Variants in DPP6 observed in about 807,000 individuals in gnomAD.
DPP6 encodes A-type potassium channel modulatory protein DPP6.
DPP6 carries 69 observed loss-of-function variants against 122.6 expected under a neutral mutation model. The observed-to-expected ratio is 0.56, with a 90% CI of 0.46 to 0.69. The LOEUF is 0.69. DPP6 is among the 30% of genes least tolerant of loss of function. DPP6 has a pLI of 0.00. For missense variants in DPP6, 928 were observed against 1,116.9 expected (o/e 0.83, Z 2.41); for synonymous variants, 418 against 433.1 (o/e 0.97, Z 0.43).
intron 7 of DPP6, among the ~76,000 whole-genome samples, chr7:154,685,284 C>T (rs146295891): frequency 2.6e-5 from 4 of 152,202 alleles, no homozygotes; most frequent in East Asian, 3.9e-4. Flanking sequence ...TACTAGCCAA[C>T]GGTTCAACAG....
At chr7:154,337,508 A>G (rs182990241) in intron 1 of DPP6, among the ~76,000 whole-genome samples, 235 of 152,344 alleles carry the variant, frequency 1.5e-3, no homozygotes, top group Non-Finnish European at 2.7e-3. Context: ...CACAGTAGAT[A>G]CATCCCTACC....
intron 1 of DPP6, among the ~76,000 whole-genome samples, chr7:154,296,494 C>T (rs955044791): frequency 8.5e-5 from 13 of 152,206 alleles, no homozygotes; most frequent in Non-Finnish European, 1.9e-4. Flanking sequence ...AAGCCATTGG[C>T]TTCCCAGGCA....
At chr7:153,968,480 T>TA (rs1338480327) in intron 1 of DPP6, among the ~76,000 whole-genome samples, 1 of 152,076 alleles carries the variant, frequency 6.6e-6, no homozygotes, top group Non-Finnish European at 1.5e-5. Flanking sequence ...TGGACATTTT[T>TA]AAAGCTACAA....
Position 154,593,764 on chromosome 7 carries a change from C to T in DPP6, c.627+26848C>T, listed in dbSNP as rs1452663005. On this transcript the variant is annotated intron_variant, in intron 5 of 25. Coordinates refer to ENST00000377770, the MANE Select transcript of DPP6 (RefSeq NM_130797.4). Reference sequence around the variant, plus strand: ...CACGCATGGCTCTGTTCTAGGCACTCGGGGGAGCTCAAACAGAAAGAGAGT... The same window carrying T: ...CACGCATGGCTCTGTTCTAGGCACTTGGGGGAGCTCAAACAGAAAGAGAGT... Among the ~76,000 whole-genome samples, 54 of 152,136 alleles carry T rather than the reference C, an allele frequency of 3.5e-4. 1 individual carries two copies. Among genetic ancestry groups the T allele is most frequent in the Admixed American group, 3.3e-3 (51 of 15,268 alleles).
At chr7:154,258,537 T>C (rs73727921) in intron 1 of DPP6, among the ~76,000 whole-genome samples, 13,695 of 152,158 alleles carry the variant, frequency 0.09, 1,034 homozygotes, top group African/African-American at 0.21. Context: ...GTTGGTGTTT[T>C]ATCATGCTCC....
rs556777431 is a variant in DPP6 at position 154,274,393 on chromosome 7, T to C, written c.244-171821T>C. ...AACCCCCAGTTTTCCTGCAATAGAA[T>C]ATGTGAGCCATTTCACACTGGAGTT... On this transcript the variant is annotated intron_variant, in intron 1 of 25. Transcript: ENST00000377770. 8.5e-5 allele frequency among the ~76,000 whole-genome samples: 13 copies of C among 152,270 alleles called. No homozygotes were observed. In the South Asian group the frequency reaches 1.0e-3, roughly 12 times the overall value.
intron 1 of DPP6, among the ~76,000 whole-genome samples, chr7:154,394,227 T>A (rs1814877663): frequency 6.6e-6 from 1 of 152,210 alleles, no homozygotes; most frequent in African/African-American, 2.4e-5. Context: ...GGGTTCAGTT[T>A]CTCCACATCC....
At chr7:154,791,182 G>A (rs1797654490) in intron 10 of DPP6, among the ~76,000 whole-genome samples, 1 of 152,086 alleles carries the variant, frequency 6.6e-6, no homozygotes, top group Non-Finnish European at 1.5e-5. Context: ...AACCTGGGAG[G>A]TACAGGTTGC....
intron 16 of DPP6, among the ~76,000 whole-genome samples, chr7:154,846,289 A>T (rs1011592516): frequency 6.6e-6 from 1 of 152,124 alleles, no homozygotes; most frequent in East Asian, 1.9e-4. Context: ...ATACATTTAT[A>T]TTCTTTTCTC....
chr7:154,473,180 C>T (rs1822438618), intron 2 of DPP6, among the ~76,000 whole-genome samples: 1 of 152,178 alleles, frequency 6.6e-6, no homozygotes, highest in Non-Finnish European at 1.5e-5. Context: ...TTCTTAATTG[C>T]AAGATCAGAG....
At chr7:154,120,815 A>G (rs916732794) in intron 1 of DPP6, among the ~76,000 whole-genome samples, 6 of 152,238 alleles carry the variant, frequency 3.9e-5, no homozygotes, top group Non-Finnish European at 7.3e-5. Flanking sequence ...GTCTAGTCCA[A>G]TGAAAGGGTT....
At chr7:153,953,149 T>TA (rs1044452381) in intron 1 of DPP6, among the ~76,000 whole-genome samples, 11 of 152,162 alleles carry the variant, frequency 7.2e-5, no homozygotes, top group Non-Finnish European at 1.3e-4. Flanking sequence ...CATTATCTTT[T>TA]AAAAAAATTC....
chr7:153,821,778 G>C, the DPP6 span, among the ~76,000 whole-genome samples: 1 of 147,702 alleles, frequency 6.8e-6, no homozygotes, highest in East Asian at 2.0e-4. Flanking sequence ...CCACGACCCT[G>C]GTGCTGCCTG....
At chr7:154,195,860 G>T (rs1798840330) in intron 1 of DPP6, among the ~76,000 whole-genome samples, 1 of 152,132 alleles carries the variant, frequency 6.6e-6, no homozygotes, top group African/African-American at 2.4e-5. Context: ...CCATCTTCCA[G>T]CAGGACCCTG....
intron 1 of DPP6, among the ~76,000 whole-genome samples, chr7:154,422,778 G>T (rs539638668): frequency 6.6e-6 from 1 of 152,134 alleles, no homozygotes; most frequent in Admixed American, 6.5e-5. Flanking sequence ...GCTAAGTTAG[G>T]ATTGCTACCT....
intron 6 of DPP6, among the ~76,000 whole-genome samples, chr7:154,653,974 GGAAA>G (rs1482224717): frequency 8.1e-5 from 12 of 148,934 alleles, no homozygotes; most frequent in South Asian, 2.1e-4. Flanking sequence ...TCAAATACCT[GGAAA>G]AAAAAAAAAA....
At chr7:154,140,481 T>C (rs1795790829) in intron 1 of DPP6, among the ~76,000 whole-genome samples, 1 of 151,566 alleles carries the variant, frequency 6.6e-6, no homozygotes, top group Non-Finnish European at 1.5e-5. Context: ...TGTTTGTTTA[T>C]TTACTTTTTT....
chr7:154,552,833 G>A (rs914249254), intron 4 of DPP6, among the ~76,000 whole-genome samples: 12 of 152,060 alleles, frequency 7.9e-5, no homozygotes, highest in African/African-American at 2.9e-4. Flanking sequence ...CATTGGCTAC[G>A]GATTGCAACA....
Position 154,474,944 on chromosome 7 carries a change from G to A in DPP6, c.364G>A (p.Asp122Asn), listed in dbSNP as rs761673050. 1 of 1,612,640 alleles carries A rather than the reference G, an allele frequency of 6.2e-7. No individual in the cohort carries two copies. Among genetic ancestry groups the A allele is most frequent in the Admixed American group, 1.7e-5 (1 of 59,982 alleles). The part of the protein sequence containing the change: ...TSVILLTPAE[D>N]NSLSQKKKVT... ...TGCTTTTTATTTTTTTCTAGCGGAA[G>A]ATAATAGTCTGTCTCAAAAGAAGAA... The change falls in exon 3 of 26, where the codon GAT becomes AAT. Residue 122 changes from aspartate (D) to asparagine (N), a missense_variant. Transcript: ENST00000377770.
Sources: allele counts gnomAD v4.1 joint callset (sites outside exome capture counted in the v4.1 genomes callset), GRCh38; gene constraint gnomAD v4.1.1; transcripts MANE v1.5; gene names NCBI Gene and HGNC (gene_info 2026-07-23, HGNC 2026-07-21).